Variants in SPPL3 observed in about 807,000 individuals in gnomAD.
SPPL3 encodes signal peptide peptidase-like 3.
Under a neutral mutation model 42.4 loss-of-function variants are expected in SPPL3, and 5 were observed. The ratio of observed to expected loss-of-function variants is 0.12; its 90% confidence interval spans 0.06 to 0.25. The LOEUF (loss-of-function observed/expected upper bound fraction) is 0.25. Among genes scored for constraint, SPPL3 ranks in the 10% least tolerant of loss-of-function variants. The probability of loss-of-function intolerance (pLI) is 1.00; values close to 1 mark genes in which losing one functional copy is unlikely to be tolerated. For synonymous variants in SPPL3, 195 were observed against 181.8 expected, an observed-to-expected ratio of 1.07 and a Z score of -0.58; for missense variants, 235 against 489.0, an observed-to-expected ratio of 0.48 and a Z score of 4.90.
rs538105742 is a variant in SPPL3, at chr12:120,819,551, ATC to A, written c.24-8667_24-8666del. ...TCACTTGATTCGTTTTTGAGAAACT[ATC>A]TGCCAAATATGCCCAAAAGTCATTC... On this transcript the variant is annotated intron_variant, in intron 1 of 10. Transcript: ENST00000353487. 3.3e-4 allele frequency among the ~76,000 whole-genome samples: 51 copies of A among 152,328 alleles called. 1 individual carries two copies. The East Asian group carries it at 9.4e-3, about 28-fold the overall frequency.
intron 6 of SPPL3, among the ~76,000 whole-genome samples, chr12:120,778,608 T>C (rs1320979960): frequency 1.3e-5 from 2 of 152,214 alleles, no homozygotes; most frequent in African/African-American, 4.8e-5. Context: ...TCCATCACTA[T>C]AATCTTGTCT....
intron 1 of SPPL3, among the ~76,000 whole-genome samples, chr12:120,900,370 G>A (rs531167162): frequency 3.3e-5 from 5 of 151,960 alleles, no homozygotes; most frequent in South Asian, 2.1e-4. Flanking sequence ...CCAGCACTTC[G>A]GGAGGCCAAA....
At chr12:120,869,445 T>G (rs936971259) in intron 1 of SPPL3, among the ~76,000 whole-genome samples, 2 of 152,236 alleles carry the variant, frequency 1.3e-5, no homozygotes, top group African/African-American at 2.4e-5. Context: ...TGAGACAGAA[T>G]AGTTATTCGC....
chr12:120,789,455 A>AAAAAAAAAAG (rs1305137436), intron 3 of SPPL3, among the ~76,000 whole-genome samples: 28 of 151,276 alleles, frequency 1.9e-4, no homozygotes, highest in African/African-American at 5.8e-4. Context: ...CTGTCTCAAA[A>AAAAAAAAAAG]AAAAAAAGAA....
chr12:120,809,911 T>C (rs556998195), intron 2 of SPPL3, among the ~76,000 whole-genome samples: 1 of 152,256 alleles, frequency 6.6e-6, no homozygotes, highest in African/African-American at 2.4e-5. Context: ...TTAAGAAAAA[T>C]ATGATGTAAA....
chr12:120,873,976 ACTT>A (rs1179927962), intron 1 of SPPL3, among the ~76,000 whole-genome samples: 1 of 152,078 alleles, frequency 6.6e-6, no homozygotes, highest in Non-Finnish European at 1.5e-5. Context: ...GTCAATATAA[ACTT>A]CTTCACCCAG....
At chr12:120,801,000 T>C (rs1438599505) in intron 2 of SPPL3, among the ~76,000 whole-genome samples, 2 of 152,160 alleles carry the variant, frequency 1.3e-5, no homozygotes, top group Non-Finnish European at 1.5e-5. Flanking sequence ...ACAAAAATAT[T>C]TCACCCAAAA....
chr12:120,857,202 TAA>T (rs1221929212), intron 1 of SPPL3, among the ~76,000 whole-genome samples: 1 of 152,214 alleles, frequency 6.6e-6, no homozygotes, highest in Non-Finnish European at 1.5e-5. Flanking sequence ...GCCAGAAAGC[TAA>T]AGTCTTCCTG....
intron 1 of SPPL3, among the ~76,000 whole-genome samples, chr12:120,890,044 G>C (rs886075472): frequency 6.6e-6 from 1 of 150,600 alleles, no homozygotes; most frequent in Non-Finnish European, 1.5e-5. Flanking sequence ...TCGGGAGTTC[G>C]AGACCAGACT....
At chr12:120,831,296 T>C (rs1235088454) in intron 1 of SPPL3, among the ~76,000 whole-genome samples, 5 of 152,140 alleles carry the variant, frequency 3.3e-5, no homozygotes, top group African/African-American at 7.2e-5. Context: ...CCAATTCCTA[T>C]ATAAATCTCT....
At chr12:120,779,979 CAG>C (rs1566039527) in intron 6 of SPPL3, among the ~76,000 whole-genome samples, 2 of 146,864 alleles carry the variant, frequency 1.4e-5, no homozygotes. Context: ...GCCTGGGCAA[CAG>C]AGTGAGACTC....
intron 1 of SPPL3, among the ~76,000 whole-genome samples, chr12:120,819,631 C>T (rs960225108): frequency 6.6e-6 from 1 of 152,142 alleles, no homozygotes; most frequent in Non-Finnish European, 1.5e-5. Flanking sequence ...CAGTTAGCAT[C>T]TCAAATGACT....
intron 5 of SPPL3, 112 bp downstream of exon 5, chr12:120,783,562 C>T (rs1050371026): frequency 4.1e-6 from 4 of 983,396 alleles, no homozygotes; most frequent in East Asian, 5.3e-5. Flanking sequence ...GGTCTTTTGG[C>T]ATTTCTGTGC....
At chr12:120,890,109 G>A (rs1341054477) in intron 1 of SPPL3, among the ~76,000 whole-genome samples, 5 of 152,178 alleles carry the variant, frequency 3.3e-5, no homozygotes, top group Non-Finnish European at 7.4e-5. Context: ...TTAGCTGGAC[G>A]TGGTGGTGCA....
At chr12:120,812,324 G>GT (rs1410885996) in intron 1 of SPPL3, among the ~76,000 whole-genome samples, 3 of 152,036 alleles carry the variant, frequency 2.0e-5, no homozygotes, top group African/African-American at 4.8e-5. Context: ...TAGAGATGGG[G>GT]TTTTACCATG....
At chr12:120,807,687 AG>A (rs1269687234) in intron 2 of SPPL3, among the ~76,000 whole-genome samples, 10 of 147,588 alleles carry the variant, frequency 6.8e-5, no homozygotes, top group South Asian at 6.6e-4. Flanking sequence ...AAAAAAAAAA[AG>A]AAAAAAAGAG....
chr12:120,878,491 C>A (rs1049406305), intron 1 of SPPL3, among the ~76,000 whole-genome samples: 2 of 152,218 alleles, frequency 1.3e-5, no homozygotes, highest in African/African-American at 4.8e-5. Flanking sequence ...CTTTCTCTTA[C>A]AAGCTAAACG....
intron 1 of SPPL3, among the ~76,000 whole-genome samples, chr12:120,863,233 G>A (rs571782291): frequency 6.5e-4 from 98 of 151,866 alleles, no homozygotes; most frequent in Non-Finnish European, 3.4e-4. Flanking sequence ...CTATAATCCC[G>A]GCTACTCCAG....
At chr12:120,858,730 T>C (rs879562676) in intron 1 of SPPL3, among the ~76,000 whole-genome samples, 2 of 151,986 alleles carry the variant, frequency 1.3e-5, no homozygotes, top group South Asian at 2.1e-4. Context: ...ATGTATACAA[T>C]AGGAGTCCCC....
Sources: allele counts gnomAD v4.1 joint callset (sites outside exome capture counted in the v4.1 genomes callset), GRCh38; gene constraint gnomAD v4.1.1; transcripts MANE v1.5; gene names NCBI Gene and HGNC (gene_info 2026-07-23, HGNC 2026-07-21).